The following COPG2 variants were observed in gnomAD, a reference collection of about 807,000 sequenced individuals.
COPG2 encodes coat protein complex I subunit gamma 2.
A neutral mutation model predicts 46.3 loss-of-function variants in COPG2; 37 were observed. That is an observed-to-expected ratio of 0.80 (90% confidence interval 0.61 to 1.05). The LOEUF is 1.05. Among genes scored for constraint, COPG2 ranks in the 50% least tolerant of loss-of-function variants. The probability of loss-of-function intolerance (pLI) is 0.00; values close to 1 mark genes in which losing one functional copy is unlikely to be tolerated. For synonymous variants in COPG2, 159 were observed against 129.7 expected (o/e 1.23, Z -1.53); for missense variants, 427 against 387.8 (o/e 1.10, Z -0.85).
chr7:130,617,616 G>A (rs1794971073), intron 5 of COPG2, among the ~76,000 whole-genome samples: 1 of 152,136 alleles, frequency 6.6e-6, no homozygotes, highest in Non-Finnish European at 1.5e-5. Context: ...CCATGTCCAT[G>A]CTTTAAAGAG....
At chr7:130,510,521 T>C (rs1799578169) in intron 20 of COPG2, among the ~76,000 whole-genome samples, 1 of 152,096 alleles carries the variant, frequency 6.6e-6, no homozygotes, top group South Asian at 2.1e-4. Flanking sequence ...GTGGTTCCAA[T>C]TAAGCAGAGA....
intron 20 of COPG2, chr7:130,510,954 T>A (rs752106238): frequency 5.8e-6 from 3 of 519,942 alleles, no homozygotes; most frequent in Non-Finnish European, 1.2e-5. Context: ...CAGGAAAGAA[T>A]GCCCTGAAGA....
chr7:130,525,533 C>A (rs940416973), intron 20 of COPG2, among the ~76,000 whole-genome samples: 2 of 152,124 alleles, frequency 1.3e-5, no homozygotes, highest in African/African-American at 4.8e-5. Flanking sequence ...TAGAAAGATG[C>A]TTGCAAATAG....
rs569236495 is a variant in COPG2, at chr7:130,645,424, G to A, written c.323+7445C>T. Reference sequence around the variant, plus strand: ...CTCCACCCGTCGGTGTCCATGGGGTGGAGCCCATGGGCGAAGATGATGTCT... The same window carrying A: ...CTCCACCCGTCGGTGTCCATGGGGTAGAGCCCATGGGCGAAGATGATGTCT... On this transcript the variant is annotated intron_variant, in intron 5 of 23. Transcript: ENST00000425248. 34 of 429,080 alleles carry A rather than the reference G, an allele frequency of 7.9e-5. No individual in the cohort carries two copies. In the Admixed American group the frequency reaches 1.1e-3, roughly 14 times the overall value. The allele number at this position is 429,080 out of a possible 1,614,324, so 26.6% of individuals were successfully genotyped here.
rs1794866686 is a variant in COPG2, at chr7:130,612,306, A to G, written c.493-68T>C. On this transcript the variant is annotated intron_variant, in intron 7 of 23. Coordinates refer to ENST00000425248, the MANE Select transcript of COPG2 (RefSeq NM_012133.6). ...CACTAGAAGCTTAGAAACATGAGTT[A>G]GTTTTCTTTGAAAATCACAGACATT... 6.1e-6 allele frequency: 6 copies of G among 984,122 alleles called. No individual in the cohort carries two copies. In the Admixed American group the frequency reaches 1.2e-4, roughly 20 times the overall value. 61.0% of individuals were successfully genotyped at this position (984,122 alleles called of 1,614,324 possible).
At chr7:130,575,092 A>G (rs140193178) in intron 9 of COPG2, among the ~76,000 whole-genome samples, 54,250 of 152,024 alleles carry the variant, frequency 0.36, 11,309 homozygotes, top group African/African-American at 0.57. Context: ...CGATGTTCCT[A>G]AGGAAGAAGA....
intron 5 of COPG2, among the ~76,000 whole-genome samples, chr7:130,633,575 T>A (rs1584595084): frequency 6.6e-6 from 1 of 152,224 alleles, no homozygotes; most frequent in South Asian, 2.1e-4. Flanking sequence ...GATGGGGTGG[T>A]TTTTTTCTTG....
At chr7:130,582,096 A>C (rs1233609367) in intron 9 of COPG2, among the ~76,000 whole-genome samples, 3 of 150,740 alleles carry the variant, frequency 2.0e-5, no homozygotes, top group Non-Finnish European at 4.5e-5. Flanking sequence ...ACTTCAAACT[A>C]TACTACAAGG....
chr7:130,608,332 T>C (rs1377214150), intron 9 of COPG2: 1 of 311,650 alleles, frequency 3.2e-6, no homozygotes, highest in South Asian at 3.1e-5. Context: ...TTAGTAAAAA[T>C]TGTATATATT....
At chr7:130,582,391 A>C (rs1338280590) in intron 9 of COPG2, among the ~76,000 whole-genome samples, 2 of 149,482 alleles carry the variant, frequency 1.3e-5, no homozygotes, top group Non-Finnish European at 3.0e-5. Context: ...AACCATAAAA[A>C]CCCTAGAAGA....
At chr7:130,594,359 T>C (rs1794485874) in intron 9 of COPG2, among the ~76,000 whole-genome samples, 1 of 152,142 alleles carries the variant, frequency 6.6e-6, no homozygotes, top group South Asian at 2.1e-4. Context: ...ACAAAAATGA[T>C]CTCAAAATGG....
At position 130,629,622 on chromosome 7, in the gene COPG2, C is replaced by T. The variant is rs534708386; in HGVS notation, c.324-12557G>A. On this transcript the variant is annotated intron_variant, in intron 5 of 23. Transcript: ENST00000425248. Reference sequence around the variant, plus strand: ...AGTTGGCCAGGCTGGTCTCAAACTCCTGACCTCAGGTGATCCACCCACCTC... The same window carrying T: ...AGTTGGCCAGGCTGGTCTCAAACTCTTGACCTCAGGTGATCCACCCACCTC... Among the ~76,000 whole-genome samples, 450 of 152,138 alleles carry T rather than the reference C, an allele frequency of 3.0e-3. 2 individuals are homozygous for T. The highest frequency in any genetic ancestry group is 9.3e-3 in the African/African-American group (386 of 41,516).
In COPG2 at chr7:130,616,990, A is replaced by G; in HGVS notation, c.399T>C (p.Asp133=). ...TAACTCAGTGAAACAGATAACTTAC[A>G]TCGGTGATCCTGCAGAGAGCTCTGA... ...PAIRALCRIT[D]GTMLQAIERY... is the part of the protein sequence containing the mutation. Residue 133 remains aspartate, a splice_region_variant and synonymous_variant, in exon 6 of 24, where the codon GAT becomes GAC. Coordinates refer to ENST00000425248, the MANE Select transcript of COPG2 (RefSeq NM_012133.6). The G allele has an allele frequency of 6.2e-7, 1 of 1,602,822 alleles. No homozygotes were observed. The highest frequency in any genetic ancestry group is 8.5e-7 in the Non-Finnish European group (1 of 1,171,096).
At chr7:130,527,918 A>G (rs956200597) in intron 20 of COPG2, among the ~76,000 whole-genome samples, 34 of 152,112 alleles carry the variant, frequency 2.2e-4, no homozygotes, top group Admixed American at 2.6e-4. Context: ...CAGGTGGAGG[A>G]GTGAGGCCCA....
In COPG2 at chr7:130,652,932, A is replaced by C; in HGVS notation, c.260T>G (p.Met87Arg). 1 of 1,601,228 alleles carries C rather than the reference A, an allele frequency of 6.2e-7. No homozygotes were observed. Among genetic ancestry groups the C allele is most frequent in the Non-Finnish European group, 8.5e-7 (1 of 1,171,542 alleles). Residue 87 changes from methionine (M) to arginine (R), a missense_variant, in exon 5 of 24, where the codon ATG (methionine) becomes AGG (arginine). Met to Arg is a moderately conservative substitution (Grantham distance 91). Transcript: ENST00000425248. Reference sequence around the variant, plus strand: ...CATTTCTTTGATGGTAAGGTAGCACATTCTCCTCAATGTTTGCTGAAAAAT... The same window carrying C: ...CATTTCTTTGATGGTAAGGTAGCACCTTCTCCTCAATGTTTGCTGAAAAAT... ...FQSNDQTLRR[M>R]CYLTIKEMAT...
Position 130,566,516 on chromosome 7 carries a change from C to T in COPG2, c.738-2123G>A, listed in dbSNP as rs949410914. ...TTCTTCTTAGGTTTTGATGAGAAGG[C>T]GAGGATTAAAGAAAGACTGAGAGAG... On this transcript the variant is annotated intron_variant, in intron 9 of 23. Transcript: ENST00000425248. Among the ~76,000 whole-genome samples, 4 of 152,240 alleles carry T rather than the reference C, an allele frequency of 2.6e-5. No homozygotes were observed. The South Asian group carries it at 8.3e-4, about 32-fold the overall frequency.
chr7:130,537,987 G>T (rs1006686742), intron 20 of COPG2, among the ~76,000 whole-genome samples: 36 of 152,152 alleles, frequency 2.4e-4, no homozygotes, highest in Non-Finnish European at 4.1e-4. Context: ...GTTCCTTAGA[G>T]GCAGAACTGA....
At chr7:130,620,174 T>C (rs1455387850) in intron 5 of COPG2, among the ~76,000 whole-genome samples, 6 of 152,158 alleles carry the variant, frequency 3.9e-5, no homozygotes, top group African/African-American at 1.4e-4. Context: ...TGCCCTCTCA[T>C]CTCTATTAAA....
At chr7:130,511,102 A>T (rs1799587840) in intron 20 of COPG2, 1 of 420,220 alleles carries the variant, frequency 2.4e-6, no homozygotes, top group South Asian at 1.8e-5. Flanking sequence ...CTAAGACAGG[A>T]GAGGGACATG....
Sources: allele counts gnomAD v4.1 joint callset (sites outside exome capture counted in the v4.1 genomes callset), GRCh38; gene constraint gnomAD v4.1.1; transcripts MANE v1.5; gene names NCBI Gene and HGNC (gene_info 2026-07-23, HGNC 2026-07-21).